The following AFAP1 variants were observed in gnomAD, a reference collection of about 807,000 sequenced individuals.
AFAP1 encodes the protein actin filament associated protein 1.
A neutral mutation model predicts 93.9 loss-of-function variants in AFAP1; 75 were observed. The observed-to-expected ratio is 0.80, with a 90% CI of 0.66 to 0.97. The LOEUF is 0.97. Among genes scored for constraint, AFAP1 ranks in the 50% least tolerant of loss-of-function variants. The probability of loss-of-function intolerance (pLI) is 0.00; values close to 1 mark genes in which losing one functional copy is unlikely to be tolerated. For missense variants in AFAP1, 1,201 were observed against 1,050.8 expected, an observed-to-expected ratio of 1.14 and a Z score of -1.98; for synonymous variants, 517 against 430.7, an observed-to-expected ratio of 1.20 and a Z score of -2.48.
At chr4:7,864,738 C>T (rs1716213374) in intron 3 of AFAP1, among the ~76,000 whole-genome samples, 1 of 152,144 alleles carries the variant, frequency 6.6e-6, no homozygotes. Context: ...TTTAATTTGA[C>T]CATTACATAA....
intron 3 of AFAP1, among the ~76,000 whole-genome samples, chr4:7,857,885 C>G (rs1715256601): frequency 6.6e-6 from 1 of 151,684 alleles, no homozygotes; most frequent in South Asian, 2.1e-4. Flanking sequence ...TGAGCAGACA[C>G]TTTCAAACCC....
At chr4:7,797,892 A>G (rs6856795) in intron 10 of AFAP1, among the ~76,000 whole-genome samples, 128,259 of 152,164 alleles carry the variant, frequency 0.84, 54,389 homozygotes, top group African/African-American at 0.93. Context: ...AGAAAGGGGC[A>G]CGGGGGAGAG....
In AFAP1 at chr4:7,907,899, A is replaced by AT. The variant is rs578167213; in HGVS notation, c.-3+31756dup. Among the ~76,000 whole-genome samples, 227 of 152,302 alleles carry AT rather than the reference A, an allele frequency of 1.5e-3. 1 individual carries two copies. Among genetic ancestry groups the AT allele is most frequent in the African/African-American group, 5.3e-3 (221 of 41,558 alleles). ...CCATTCAATAGTTTAATTAGCACCC[A>AT]TTTAAAGTTAAGTGCTACCCACAGA... On this transcript the variant is annotated intron_variant, in intron 1 of 17. Transcript: ENST00000420658.
intron 1 of AFAP1, among the ~76,000 whole-genome samples, chr4:7,936,173 T>C (rs1577373384): frequency 6.6e-6 from 1 of 152,298 alleles, no homozygotes; most frequent in Non-Finnish European, 1.5e-5. Context: ...TTTTAATCCC[T>C]ATAATCATCC....
chr4:7,857,933 T>A (rs1044253249), intron 3 of AFAP1, among the ~76,000 whole-genome samples: 1 of 152,092 alleles, frequency 6.6e-6, no homozygotes, highest in Admixed American at 6.5e-5. Flanking sequence ...CTTTTGCGTA[T>A]CCCCTTAGAT....
At chr4:7,817,747 A>G (rs1278648891) in intron 7 of AFAP1, among the ~76,000 whole-genome samples, 2 of 141,974 alleles carry the variant, frequency 1.4e-5, no homozygotes, top group African/African-American at 5.4e-5. Context: ...GAAATTTGCT[A>G]ATAATATAAA....
intron 1 of AFAP1, among the ~76,000 whole-genome samples, chr4:7,902,557 G>A (rs1252515445): frequency 2.0e-5 from 3 of 151,292 alleles, no homozygotes; most frequent in Admixed American, 6.6e-5. Context: ...TTCTATTGTC[G>A]TGTTTATAAA....
At chr4:7,934,576 T>C (rs572672148) in intron 1 of AFAP1, among the ~76,000 whole-genome samples, 2 of 152,278 alleles carry the variant, frequency 1.3e-5, no homozygotes, top group African/African-American at 4.8e-5. Flanking sequence ...TCAGGGGCAC[T>C]CAGGAGAAGT....
Position 7,913,824 on chromosome 4 carries a change from A to G in AFAP1, c.-3+25832T>C, listed in dbSNP as rs115864964. The stretch of plus-strand genomic sequence containing the variant: ...GTTAAAATAAATGCCTAGGGTCTAT[A>G]TCAAAAATATGAAAAAGCTAGCTGC... On this transcript the variant is annotated intron_variant, in intron 1 of 17. Transcript: ENST00000420658. Among the ~76,000 whole-genome samples the G allele has an allele frequency of 6.8e-3, 1,034 of 152,340 alleles. 7 individuals are homozygous for G. The highest frequency in any genetic ancestry group is 0.022 in the African/African-American group (925 of 41,576).
At chr4:7,927,692 T>A (rs113153764) in intron 1 of AFAP1, among the ~76,000 whole-genome samples, 3,566 of 152,256 alleles carry the variant, frequency 0.023, 146 homozygotes, top group African/African-American at 0.082. Flanking sequence ...TATGTATATA[T>A]ACACTCATAT....
chr4:7,827,926 A>G (rs772113741), intron 6 of AFAP1, among the ~76,000 whole-genome samples: 21 of 152,206 alleles, frequency 1.4e-4, no homozygotes, highest in Non-Finnish European at 2.6e-4. Flanking sequence ...GCTGTATAAA[A>G]AAAGGTTTCT....
chr4:7,858,873 C>G (rs1221166343), intron 3 of AFAP1, among the ~76,000 whole-genome samples: 2 of 152,200 alleles, frequency 1.3e-5, no homozygotes, highest in Non-Finnish European at 2.9e-5. Context: ...GACAACAAAG[C>G]CAACTTTACC....
At chr4:7,769,057 G>A in intron 16 of AFAP1, 49 bp from the exon 17 acceptor site, 2 of 1,516,294 alleles carry the variant, frequency 1.3e-6, no homozygotes, top group South Asian at 1.3e-5. Context: ...CTGGGCCACT[G>A]GTATTCTCCA....
chr4:7,931,546 AT>A (rs376570405), intron 1 of AFAP1, among the ~76,000 whole-genome samples: 525 of 137,820 alleles, frequency 3.8e-3, no homozygotes, highest in Middle Eastern at 3.8e-3. Context: ...CACGCCCAGC[AT>A]TTTTTTTTTT....
intron 1 of AFAP1, among the ~76,000 whole-genome samples, chr4:7,880,130 C>T (rs968091061): frequency 1.3e-5 from 2 of 152,112 alleles, no homozygotes; most frequent in Non-Finnish European, 2.9e-5. Flanking sequence ...TGGCTCAGGC[C>T]GGGCAGTGAG....
At chr4:7,799,119 C>T (rs934670829) in intron 10 of AFAP1, 9 of 982,406 alleles carry the variant, frequency 9.2e-6, no homozygotes, top group Non-Finnish European at 6.0e-6. Context: ...GGTAAAGAAG[C>T]TGAGAGAGAA....
At chr4:7,781,023 T>C (rs765079487) in intron 13 of AFAP1, among the ~76,000 whole-genome samples, 2 of 152,184 alleles carry the variant, frequency 1.3e-5, no homozygotes, top group African/African-American at 4.8e-5. Flanking sequence ...AATGGAAACA[T>C]AGTAAAGAAA....
chr4:7,770,937 CCTCACTGCCACT>C (rs1715342465), intron 16 of AFAP1, among the ~76,000 whole-genome samples: 1 of 152,198 alleles, frequency 6.6e-6, no homozygotes, highest in South Asian at 2.1e-4. Context: ...ATGCCTACAG[CCTCACTGCCACT>C]CTCACTGCAC....
intron 6 of AFAP1, among the ~76,000 whole-genome samples, chr4:7,838,009 G>C (rs965547331): frequency 6.6e-6 from 1 of 152,090 alleles, no homozygotes; most frequent in African/African-American, 2.4e-5. Context: ...GCCAAGCCTT[G>C]TTTCAACAAA....
Sources: gnomAD v4.1 joint callset for allele counts (sites outside exome capture counted in the v4.1 genomes callset) on GRCh38, gnomAD v4.1.1 for gene constraint, MANE v1.5 for transcripts, NCBI Gene and HGNC (gene_info 2026-07-23, HGNC 2026-07-21) for gene names.